Variants in CDK19 observed in about 807,000 individuals in gnomAD.
CDK19 encodes cyclin-dependent kinase 19.
Under a neutral mutation model 68.3 loss-of-function variants are expected in CDK19, and 20 were observed. That is an observed-to-expected ratio of 0.29 (90% CI 0.21 to 0.43). CDK19 has a LOEUF of 0.43. Among genes scored for constraint, CDK19 ranks in the 20% least tolerant of loss-of-function variants. CDK19 has a pLI of 1.00. For missense variants in CDK19, 339 were observed against 623.5 expected (o/e 0.54, Z 4.86); for synonymous variants, 221 against 222.8 (o/e 0.99, Z 0.07).
At chr6:110,674,794 C>T (rs996001823) in intron 2 of CDK19, among the ~76,000 whole-genome samples, 9 of 151,302 alleles carry the variant, frequency 5.9e-5, no homozygotes, top group South Asian at 2.1e-4. Context: ...GCTAGCTACT[C>T]GAGAGGCTGA....
chr6:110,654,835 G>A (rs989125849), intron 4 of CDK19, among the ~76,000 whole-genome samples: 1 of 152,056 alleles, frequency 6.6e-6, no homozygotes, highest in Admixed American at 6.5e-5. Context: ...CAGCTACTCG[G>A]GAGGCTAAGG....
intron 2 of CDK19, among the ~76,000 whole-genome samples, chr6:110,728,302 AAG>A (rs1554213238): frequency 2.7e-5 from 4 of 150,528 alleles, no homozygotes; most frequent in East Asian, 3.9e-4. Context: ...AAAAAAAAAA[AAG>A]AGAGAGAGAG....
intron 2 of CDK19, among the ~76,000 whole-genome samples, chr6:110,697,527 A>C (rs1192271978): frequency 6.6e-6 from 1 of 152,228 alleles, no homozygotes; most frequent in African/African-American, 2.4e-5. Context: ...GAACAAATGG[A>C]AACACATCCC....
At chr6:110,705,283 A>G (rs1409429055) in intron 2 of CDK19, among the ~76,000 whole-genome samples, 2 of 152,018 alleles carry the variant, frequency 1.3e-5, no homozygotes, top group African/African-American at 4.8e-5. Flanking sequence ...CAGGTGATCC[A>G]CCTGCCTCGG....
At chr6:110,631,532 A>G (rs1346810465) in intron 6 of CDK19, among the ~76,000 whole-genome samples, 2 of 152,230 alleles carry the variant, frequency 1.3e-5, no homozygotes, top group African/African-American at 4.8e-5. Context: ...CCCAGACTCT[A>G]TTTCCTACCT....
At chr6:110,783,312 T>G (rs575653173) in intron 1 of CDK19, among the ~76,000 whole-genome samples, 12 of 152,216 alleles carry the variant, frequency 7.9e-5, no homozygotes, top group Non-Finnish European at 1.6e-4. Flanking sequence ...CCACATCAAG[T>G]AAAAGCACAA....
chr6:110,688,692 G>T (rs1019757704), intron 2 of CDK19, among the ~76,000 whole-genome samples: 1 of 152,198 alleles, frequency 6.6e-6, no homozygotes, highest in African/African-American at 2.4e-5. Flanking sequence ...GATTTAGGGA[G>T]TGGTGAGGAA....
intron 1 of CDK19, among the ~76,000 whole-genome samples, chr6:110,796,992 A>C (rs1781983634): frequency 6.7e-6 from 1 of 149,152 alleles, no homozygotes; most frequent in Non-Finnish European, 1.5e-5. Flanking sequence ...CCGAGGCAAC[A>C]GAGCAAAACT....
chr6:110,759,815 G>A (rs1055758005), intron 1 of CDK19, among the ~76,000 whole-genome samples: 4 of 151,872 alleles, frequency 2.6e-5, no homozygotes, highest in Non-Finnish European at 2.9e-5. Context: ...ACCTGACCTC[G>A]TTAAATGATC....
At chr6:110,716,156 C>T (rs1775373577) in intron 2 of CDK19, among the ~76,000 whole-genome samples, 1 of 152,036 alleles carries the variant, frequency 6.6e-6, no homozygotes, top group Non-Finnish European at 1.5e-5. Flanking sequence ...TAACATATTT[C>T]TTTAATTCCA....
At chr6:110,697,543 T>A (rs1277133036) in intron 2 of CDK19, among the ~76,000 whole-genome samples, 1 of 152,036 alleles carries the variant, frequency 6.6e-6, no homozygotes, top group Non-Finnish European at 1.5e-5. Flanking sequence ...ATCCCCTGCT[T>A]ATGGGTGGGT....
chr6:110,622,850 A>G lies in CDK19; in HGVS notation c.996T>C (p.Asp332=). The G allele has an allele frequency of 6.2e-7, 1 of 1,613,526 alleles. No homozygotes were observed. The highest frequency in any genetic ancestry group is 1.1e-5 in the South Asian group (1 of 91,066). The change falls in exon 10 of 13, where the codon GAT becomes GAC. Residue 332 remains aspartate, a synonymous_variant. Transcript: ENST00000368911. ...KRITSEQALQ[D]PYFQEDPLPT... ...GCAAAGGGTCCTCCTGAAAATAGGG[A>G]TCCTGCAGAGCTTGCTCCGAGGTAA...
chr6:110,610,785 T>C lies in CDK19; in HGVS notation c.*3750A>G, dbSNP rs965175193. On this transcript the variant is annotated 3_prime_UTR_variant, in exon 13 of 13. Transcript: ENST00000368911. ...TCCATAGAATTCTTCCTTCATTGTA[T>C]AGTTTCTGCTGCATAAATTTACTCA... 6.6e-6 allele frequency: 1 copy of C among 152,220 alleles called. No homozygotes were observed. The highest frequency in any genetic ancestry group is 1.5e-5 in the Non-Finnish European group (1 of 68,034). The allele number at this position is 152,220 out of a possible 1,614,324, so 9.4% of individuals were successfully genotyped here.
intron 4 of CDK19, chr6:110,643,168 C>T (rs1333312782): frequency 7.8e-7 from 1 of 1,283,280 alleles, no homozygotes; most frequent in Non-Finnish European, 1.0e-6. Flanking sequence ...CCAAAGCAAA[C>T]CCCTTCTGGA....
At chr6:110,688,374 T>C (rs1026433752) in intron 2 of CDK19, among the ~76,000 whole-genome samples, 1 of 151,984 alleles carries the variant, frequency 6.6e-6, no homozygotes, top group African/African-American at 2.4e-5. Context: ...AAGTTTTTTT[T>C]CCCAAGATGG....
At chr6:110,660,347 A>C (rs1280285093) in intron 4 of CDK19, among the ~76,000 whole-genome samples, 1 of 152,162 alleles carries the variant, frequency 6.6e-6, no homozygotes, top group Non-Finnish European at 1.5e-5. Flanking sequence ...TGCGGGGCCC[A>C]TGGCAGTGTC....
chr6:110,789,494 G>C (rs1160815394), intron 1 of CDK19, among the ~76,000 whole-genome samples: 1 of 152,138 alleles, frequency 6.6e-6, no homozygotes, highest in Non-Finnish European at 1.5e-5. Context: ...GGCCAGGATG[G>C]TCTCAATCTC....
chr6:110,622,982 A>T lies in CDK19; in HGVS notation c.934-70T>A, dbSNP rs1004810762. On this transcript the variant is annotated intron_variant, in intron 9 of 12. Coordinates refer to ENST00000368911, the MANE Select transcript of CDK19 (RefSeq NM_015076.5). ...TACAAGTCAACACCTTGTCTTTTGT[A>T]TTACTGTGTAACAGGATTAATATAA... 1.0e-4 allele frequency: 96 copies of T among 932,400 alleles called. No individual in the cohort carries two copies. In the African/African-American group the frequency reaches 1.4e-3, roughly 13 times the overall value. The allele number at this position is 932,400 out of a possible 1,614,324, so 57.8% of individuals were successfully genotyped here.
At chr6:110,804,881 A>G (rs189546921) in intron 1 of CDK19, among the ~76,000 whole-genome samples, 151 of 151,622 alleles carry the variant, frequency 1.0e-3, no homozygotes, top group African/African-American at 3.5e-3. Flanking sequence ...GCGTGAACCC[A>G]GGAGGCGGAG....
Sources: allele counts gnomAD v4.1 joint callset (sites outside exome capture counted in the v4.1 genomes callset), GRCh38; gene constraint gnomAD v4.1.1; transcripts MANE v1.5; gene names NCBI Gene and HGNC (gene_info 2026-07-23, HGNC 2026-07-21).